RYR2: variants seen among roughly 807,000 people sequenced by gnomAD.
The protein encoded by RYR2 is ryanodine receptor 2.
A neutral mutation model predicts 601.1 loss-of-function variants in RYR2; 227 were observed. The observed-to-expected ratio is 0.38, with a 90% CI of 0.34 to 0.42. RYR2 has a LOEUF of 0.42. Ranked by LOEUF, RYR2 falls within the 10% of genes least tolerant of loss-of-function variation. RYR2 has a pLI of 1.00. For missense variants in RYR2, 4,646 were observed against 6,156.5 expected (o/e 0.75, Z 8.21); for synonymous variants, 2,223 against 2,175.1 (o/e 1.02, Z -0.61).
At chr1:237,750,038 C>A (rs550108914) in intron 80 of RYR2, among the ~76,000 whole-genome samples, 6 of 151,880 alleles carry the variant, frequency 4.0e-5, no homozygotes, top group Non-Finnish European at 7.4e-5. Flanking sequence ...CCCAGCTACT[C>A]GGGAGGCCGA....
chr1:237,549,628 C>CTTTTTTTTT (rs57579159), intron 26 of RYR2, among the ~76,000 whole-genome samples: 2 of 77,710 alleles, frequency 2.6e-5, no homozygotes, highest in African/African-American at 5.3e-5. Context: ...CCATAGCTTT[C>CTTTTTTTTT]TTTTTTTTTT....
intron 73 of RYR2, among the ~76,000 whole-genome samples, chr1:237,721,927 A>C (rs1030379328): frequency 1.3e-5 from 2 of 152,186 alleles, no homozygotes; most frequent in African/African-American, 4.8e-5. Flanking sequence ...ACTTATAATA[A>C]TGTTTCTAAA....
chr1:237,245,804 CAG>C (rs1173295672), intron 1 of RYR2, among the ~76,000 whole-genome samples: 1 of 152,128 alleles, frequency 6.6e-6, no homozygotes, highest in Non-Finnish European at 1.5e-5. Flanking sequence ...TTTTTTGAGA[CAG>C]AGTCTCGTTC....
intron 12 of RYR2, among the ~76,000 whole-genome samples, chr1:237,439,840 A>T (rs942088755): frequency 1.3e-5 from 2 of 152,154 alleles, no homozygotes; most frequent in Non-Finnish European, 2.9e-5. Flanking sequence ...CCAAAAAAAA[A>T]AAATGTTAGA....
At chr1:237,560,279 T>C (rs12120544) in intron 27 of RYR2, among the ~76,000 whole-genome samples, 6,768 of 152,348 alleles carry the variant, frequency 0.044, 208 homozygotes, top group Middle Eastern at 0.11. Context: ...CAGCTGTTAT[T>C]GCTGCCTCAC....
intron 16 of RYR2, among the ~76,000 whole-genome samples, chr1:237,461,896 C>T (rs577967995): frequency 3.3e-5 from 5 of 151,776 alleles, no homozygotes; most frequent in South Asian, 2.1e-4. Context: ...TAGTGAGCAT[C>T]AATTTCATGA....
intron 1 of RYR2, among the ~76,000 whole-genome samples, chr1:237,074,240 C>A (rs183619290): frequency 7.9e-5 from 12 of 152,016 alleles, no homozygotes; most frequent in Admixed American, 7.2e-4. Context: ...CCATTTGAGC[C>A]CAGGAGTTCA....
At chr1:237,147,689 A>G (rs1051524366) in intron 1 of RYR2, among the ~76,000 whole-genome samples, 4 of 152,214 alleles carry the variant, frequency 2.6e-5, no homozygotes, top group Non-Finnish European at 4.4e-5. Flanking sequence ...ATTTCTTAAC[A>G]TTTGTACATT....
chr1:237,803,671 CT>C (rs1660276029), intron 98 of RYR2, among the ~76,000 whole-genome samples: 1 of 152,152 alleles, frequency 6.6e-6, no homozygotes, highest in Non-Finnish European at 1.5e-5. Flanking sequence ...CTTCCTTCTC[CT>C]CTGCTCCTCC....
At chr1:237,793,499 A>G (rs1019956346) in intron 94 of RYR2, among the ~76,000 whole-genome samples, 1 of 152,224 alleles carries the variant, frequency 6.6e-6, no homozygotes, top group Non-Finnish European at 1.5e-5. Context: ...ATTTGGGAAC[A>G]TTGCTGCAAT....
At chr1:237,510,193 C>T (rs537422944) in intron 23 of RYR2, among the ~76,000 whole-genome samples, 57 of 152,188 alleles carry the variant, frequency 3.7e-4, no homozygotes, top group African/African-American at 1.0e-3. Flanking sequence ...AGGTGAGAGG[C>T]GACTCAGAGC....
intron 100 of RYR2, among the ~76,000 whole-genome samples, chr1:237,809,649 A>G (rs1296100267): frequency 6.6e-6 from 1 of 152,192 alleles, no homozygotes; most frequent in African/African-American, 2.4e-5. Flanking sequence ...ACTAGCTGGA[A>G]AGAGATGTAT....
chr1:237,467,161 A>C (rs1204240118), intron 16 of RYR2, among the ~76,000 whole-genome samples: 1 of 148,156 alleles, frequency 6.7e-6, no homozygotes, highest in African/African-American at 2.4e-5. Context: ...TTTTAGATGG[A>C]TAATATGATA....
intron 98 of RYR2, among the ~76,000 whole-genome samples, chr1:237,805,408 G>A (rs551480721): frequency 4.6e-4 from 70 of 151,848 alleles, no homozygotes; most frequent in Non-Finnish European, 8.7e-4. Flanking sequence ...GTGAAACCCC[G>A]TCTCTACTAA....
chr1:237,595,701 T>C, intron 34 of RYR2, 44 bp downstream of exon 34: 1 of 1,553,226 alleles, frequency 6.4e-7, no homozygotes, highest in East Asian at 2.3e-5. Context: ...GAGGAAGACT[T>C]CTTTCCCCCA....
intron 8 of RYR2, among the ~76,000 whole-genome samples, chr1:237,383,596 AT>A (rs1299716791): frequency 2.7e-5 from 4 of 150,770 alleles, no homozygotes. Context: ...CACCCGGATA[AT>A]TTTTTATATT....
intron 37 of RYR2, among the ~76,000 whole-genome samples, chr1:237,616,669 T>C (rs1678504863): frequency 6.6e-6 from 1 of 152,178 alleles, no homozygotes; most frequent in African/African-American, 2.4e-5. Flanking sequence ...ATATATTTCA[T>C]TGGCCATTGC....
At chr1:237,492,688 A>C (rs1304877756) in intron 18 of RYR2, among the ~76,000 whole-genome samples, 5 of 151,948 alleles carry the variant, frequency 3.3e-5, no homozygotes, top group Non-Finnish European at 7.4e-5. Context: ...AAAAAAAGAA[A>C]ATTAGCCAGA....
intron 1 of RYR2, among the ~76,000 whole-genome samples, chr1:237,227,407 C>T (rs963222154): frequency 1.3e-5 from 2 of 152,136 alleles, no homozygotes; most frequent in Non-Finnish European, 1.5e-5. Flanking sequence ...CAGGGATGGG[C>T]GTGGCTGTGT....
Sources: gnomAD v4.1 joint callset for allele counts (sites outside exome capture counted in the v4.1 genomes callset) on GRCh38, gnomAD v4.1.1 for gene constraint, MANE v1.5 for transcripts, NCBI Gene and HGNC (gene_info 2026-07-23, HGNC 2026-07-21) for gene names.